The following CCDC141 variants were observed in gnomAD, a reference collection of about 807,000 sequenced individuals.
CCDC141 encodes the protein coiled-coil domain-containing protein 141.
CCDC141 carries 168 observed loss-of-function variants against 181.0 expected under a neutral mutation model. The ratio of observed to expected loss-of-function variants is 0.93; its 90% CI spans 0.82 to 1.05. CCDC141 has a LOEUF of 1.05. Among genes scored for constraint, CCDC141 ranks in the 50% least tolerant of loss-of-function variants. CCDC141 has a pLI of 0.00. For missense variants in CCDC141, 1,902 were observed against 1,788.5 expected, an observed-to-expected ratio of 1.06 and a Z score of -1.14; for synonymous variants, 666 against 642.3, an observed-to-expected ratio of 1.04 and a Z score of -0.56.
chr2:178,819,244 T>C, the CCDC141 span, among the ~76,000 whole-genome samples: 2 of 152,222 alleles, frequency 1.3e-5, no homozygotes, highest in African/African-American at 2.4e-5. Context: ...TTCCAGAATA[T>C]AGACTTCAGT....
rs1411707241 is a variant in CCDC141, at chr2:178,918,806, T to A, written c.999A>T (p.Lys333Asn). Reference sequence around the variant, plus strand: ...CAAATTCTTCTTGAAGCTGACTGAGTTTCTGGTGAGAGAGCTGGAGGTGTT... The same window carrying A: ...CAAATTCTTCTTGAAGCTGACTGAGATTCTGGTGAGAGAGCTGGAGGTGTT... ...EKEHLQLSHQ[K>N]LSQLQEEFGQ... Residue 333 changes from lysine to asparagine, a missense_variant, in exon 7 of 24, where the codon AAA becomes AAT. By Grantham distance (94) the Lys-to-Asn change is moderately conservative (BLOSUM62 0). Transcript: ENST00000443758. 1.3e-6 allele frequency: 2 copies of A among 1,550,506 alleles called. No individual in the cohort carries two copies. Among genetic ancestry groups the A allele is most frequent in the Admixed American group, 2.0e-5 (1 of 50,980 alleles).
At chr2:179,019,446 ATACT>A (rs1277386159) in intron 2 of CCDC141, among the ~76,000 whole-genome samples, 1 of 152,158 alleles carries the variant, frequency 6.6e-6, no homozygotes, top group Non-Finnish European at 1.5e-5. Flanking sequence ...TGATTGCTCA[ATACT>A]TACTGCACAT....
At chr2:178,939,060 T>C (rs1056212015) in intron 6 of CCDC141, among the ~76,000 whole-genome samples, 4 of 152,072 alleles carry the variant, frequency 2.6e-5, no homozygotes, top group Admixed American at 6.6e-5. Context: ...CTAATTCAAG[T>C]GAGAAGAGGC....
At chr2:178,903,920 C>A (rs934889416) in intron 8 of CCDC141, among the ~76,000 whole-genome samples, 2 of 152,048 alleles carry the variant, frequency 1.3e-5, no homozygotes, top group African/African-American at 4.8e-5. Flanking sequence ...TAACTGGAAA[C>A]CTCACCGCTT....
intron 2 of CCDC141, among the ~76,000 whole-genome samples, chr2:178,999,227 T>C (rs1292148749): frequency 2.0e-5 from 3 of 152,180 alleles, no homozygotes; most frequent in Non-Finnish European, 4.4e-5. Flanking sequence ...GAAACTCACC[T>C]GGCTGTCAGG....
intron 2 of CCDC141, among the ~76,000 whole-genome samples, chr2:179,034,762 G>C (rs1448618953): frequency 6.6e-6 from 1 of 152,120 alleles, no homozygotes; most frequent in Non-Finnish European, 1.5e-5. Flanking sequence ...GCAAATAATG[G>C]TGTATCTTTT....
At chr2:178,911,238 A>G (rs927146925) in intron 7 of CCDC141, among the ~76,000 whole-genome samples, 10 of 152,256 alleles carry the variant, frequency 6.6e-5, no homozygotes, top group African/African-American at 2.4e-4. Context: ...AGAGATATAA[A>G]GACAAAATAC....
intron 20 of CCDC141, among the ~76,000 whole-genome samples, chr2:178,852,821 T>TG (rs144965239): frequency 0.039 from 5,886 of 152,234 alleles, 133 homozygotes; most frequent in African/African-American, 0.061. Flanking sequence ...ACTTCTTAAA[T>TG]GGGGGGCCTC....
intron 6 of CCDC141, among the ~76,000 whole-genome samples, chr2:178,931,426 C>A (rs1689091000): frequency 6.6e-6 from 1 of 152,066 alleles, no homozygotes; most frequent in Non-Finnish European, 1.5e-5. Context: ...AACCCAAATG[C>A]CTATCAACTG....
In CCDC141 at chr2:178,834,270, G is replaced by C. The variant is rs780755107; in HGVS notation, c.4496C>G (p.Thr1499Arg). Reference protein sequence around the residue: ...ALSSNVILHVTGNCRLPITRV... With the variant: ...ALSSNVILHVRGNCRLPITRV... ...TGTGATTGGCAGCCTGCAGTTACCT[G>C]TCACGTGGAGGATGACATTGGAAGA... The change falls in exon 24 of 24, where the codon ACA (threonine) becomes AGA (arginine). Residue 1499 changes from threonine (T) to arginine (R), a missense_variant. Coordinates refer to ENST00000443758, the MANE Select transcript of CCDC141 (RefSeq NM_173648.4). 119 of 1,536,014 alleles carry C rather than the reference G, an allele frequency of 7.7e-5. No homozygotes were observed. The highest frequency in any genetic ancestry group is 2.2e-4 in the Admixed American group (11 of 50,966).
intron 8 of CCDC141, among the ~76,000 whole-genome samples, chr2:178,892,698 GTATGACCCCA>G (rs1272170792): frequency 1.3e-5 from 2 of 152,108 alleles, no homozygotes; most frequent in African/African-American, 2.4e-5. Flanking sequence ...CAAAAGAAAG[GTATGACCCCA>G]CTCTTTGCCA....
intron 3 of CCDC141, 86 bp downstream of exon 3, chr2:178,978,398 G>C (rs1575293336): frequency 2.3e-6 from 2 of 871,374 alleles, no homozygotes; most frequent in Non-Finnish European, 3.2e-6. Flanking sequence ...TGCTTGCAAT[G>C]TCTATTTGTG....
At chr2:178,855,779 TATG>T (rs1685359230) in intron 18 of CCDC141, among the ~76,000 whole-genome samples, 1 of 152,248 alleles carries the variant, frequency 6.6e-6, no homozygotes, top group South Asian at 2.1e-4. Flanking sequence ...AGACTAGTAA[TATG>T]ATCTTTTTTA....
At chr2:178,912,597 C>T (rs1688266391) in intron 7 of CCDC141, among the ~76,000 whole-genome samples, 1 of 152,190 alleles carries the variant, frequency 6.6e-6, no homozygotes, top group African/African-American at 2.4e-5. Context: ...ATCACTCTGT[C>T]ATAGGGAGTA....
chr2:179,034,057 G>A (rs866842736), intron 2 of CCDC141, among the ~76,000 whole-genome samples: 85 of 151,890 alleles, frequency 5.6e-4, no homozygotes, highest in Admixed American at 2.6e-3. Context: ...TGTTCATTGC[G>A]GCACTATTCA....
chr2:179,026,274 G>GC (rs1185742958), intron 2 of CCDC141, among the ~76,000 whole-genome samples: 2 of 152,180 alleles, frequency 1.3e-5, no homozygotes, highest in African/African-American at 4.8e-5. Context: ...CATGGGCTGG[G>GC]CCCAGGGTTC....
At chr2:178,902,288 G>A (rs558003027) in intron 8 of CCDC141, among the ~76,000 whole-genome samples, 3 of 152,100 alleles carry the variant, frequency 2.0e-5, no homozygotes, top group Non-Finnish European at 4.4e-5. Context: ...AAAAGAGCCT[G>A]CATCGCCAAG....
At chr2:178,942,102 T>C (rs1050693343) in intron 6 of CCDC141, among the ~76,000 whole-genome samples, 6 of 151,038 alleles carry the variant, frequency 4.0e-5, no homozygotes, top group Admixed American at 2.6e-4. Flanking sequence ...CTTGAGTACA[T>C]GGGGCAATAC....
intron 6 of CCDC141, among the ~76,000 whole-genome samples, chr2:178,920,185 G>A (rs1379284412): frequency 1.3e-5 from 2 of 152,182 alleles, no homozygotes; most frequent in Admixed American, 1.3e-4. Context: ...TAGGCTACTT[G>A]TGAAGCGTGG....
Sources: allele counts gnomAD v4.1 joint callset (sites outside exome capture counted in the v4.1 genomes callset), GRCh38; gene constraint gnomAD v4.1.1; transcripts MANE v1.5; gene names NCBI Gene and HGNC (gene_info 2026-07-23, HGNC 2026-07-21).